SRGAP2: variants seen among roughly 807,000 people sequenced by gnomAD.
The protein encoded by SRGAP2 is SLIT-ROBO Rho GTPase activating protein 2.
A neutral mutation model predicts 57.2 loss-of-function variants in SRGAP2; 15 were observed. The ratio of observed to expected loss-of-function variants is 0.26; its 90% CI spans 0.18 to 0.40. The LOEUF is 0.40. Ranked by LOEUF, SRGAP2 falls within the 10% of genes least tolerant of loss-of-function variation. The probability of loss-of-function intolerance (pLI) is 1.00; values close to 1 mark genes in which losing one functional copy is unlikely to be tolerated. For missense variants in SRGAP2, 520 were observed against 669.6 expected (o/e 0.78, Z 2.47); for synonymous variants, 249 against 248.0 (o/e 1.00, Z -0.04).
chr1:206,458,376 T>TA, intron 21 of SRGAP2: 1 of 677,804 alleles, frequency 1.5e-6, no homozygotes, highest in Non-Finnish European at 2.8e-6. Flanking sequence ...GACAGCAACT[T>TA]ACATCTTGAC....
chr1:206,413,744 C>G (rs1553360371), intron 10 of SRGAP2, among the ~76,000 whole-genome samples: 2 of 152,120 alleles, frequency 1.3e-5, no homozygotes, highest in South Asian at 2.1e-4. Context: ...ATGACATGGT[C>G]TCTGACCATA....
At chr1:206,417,567 A>G (rs1553362498) in intron 11 of SRGAP2, among the ~76,000 whole-genome samples, 1 of 150,634 alleles carries the variant, frequency 6.6e-6, no homozygotes, top group Non-Finnish European at 1.5e-5. Flanking sequence ...ACAGGTGCCC[A>G]CCACCATGCC....
intron 2 of SRGAP2, among the ~76,000 whole-genome samples, chr1:206,245,373 G>A (rs1270063789): frequency 1.3e-5 from 2 of 151,824 alleles, no homozygotes; most frequent in African/African-American, 2.4e-5. Flanking sequence ...TAATTTTTTT[G>A]TGTGTGTTAT....
At chr1:206,346,629 G>A (rs1235439260) in intron 4 of SRGAP2, among the ~76,000 whole-genome samples, 1 of 151,926 alleles carries the variant, frequency 6.6e-6, no homozygotes, top group East Asian at 1.9e-4. Flanking sequence ...GTGGCAAAAG[G>A]ACCCATTTCT....
intron 2 of SRGAP2, among the ~76,000 whole-genome samples, chr1:206,292,398 G>C (rs1364805810): frequency 6.6e-6 from 1 of 152,068 alleles, no homozygotes; most frequent in African/African-American, 2.4e-5. Context: ...TGCACTGTCA[G>C]GCTGGTGCAT....
At chr1:206,240,281 AAAAAG>A (rs1464728732) in intron 2 of SRGAP2, among the ~76,000 whole-genome samples, 3,363 of 150,754 alleles carry the variant, frequency 0.022, 48 homozygotes, top group Middle Eastern at 0.041. Context: ...AAAAAAAAAA[AAAAAG>A]ACATTGACTG....
At chr1:206,420,712 T>G (rs1166805712) in intron 12 of SRGAP2, among the ~76,000 whole-genome samples, 5 of 152,216 alleles carry the variant, frequency 3.3e-5, no homozygotes, top group African/African-American at 1.2e-4. Flanking sequence ...AAGAGGCTTC[T>G]GAGGCTAAAC....
At chr1:206,220,670 GT>G (rs1666927739) in intron 2 of SRGAP2, among the ~76,000 whole-genome samples, 1 of 152,166 alleles carries the variant, frequency 6.6e-6, no homozygotes, top group Non-Finnish European at 1.5e-5. Context: ...ACTTGAAATA[GT>G]TTAAAGAAGA....
intron 2 of SRGAP2, among the ~76,000 whole-genome samples, chr1:206,222,906 TG>T (rs1357678103): frequency 6.7e-6 from 1 of 149,732 alleles, no homozygotes. Context: ...CCCAAGTAAC[TG>T]GGATTACAGG....
intron 4 of SRGAP2, among the ~76,000 whole-genome samples, chr1:206,378,325 AC>A (rs1655396440): frequency 1.3e-5 from 2 of 152,288 alleles, no homozygotes; most frequent in South Asian, 2.1e-4. Context: ...TACAAAAATT[AC>A]CAAAATTAAC....
chr1:206,423,823 G>A (rs1660538572), intron 13 of SRGAP2, among the ~76,000 whole-genome samples: 1 of 151,068 alleles, frequency 6.6e-6, no homozygotes, highest in African/African-American at 2.4e-5. Context: ...GTGCCAGGCT[G>A]GAGTGCAGTG....
At chr1:206,445,675 T>A (rs781947347) in intron 17 of SRGAP2, among the ~76,000 whole-genome samples, 2 of 152,012 alleles carry the variant, frequency 1.3e-5, no homozygotes, top group Non-Finnish European at 2.9e-5. Context: ...AGCCTGAGGG[T>A]CCCCGTCTGC....
At chr1:206,452,811 G>A (rs1281905032) in intron 19 of SRGAP2, among the ~76,000 whole-genome samples, 4 of 150,968 alleles carry the variant, frequency 2.6e-5, no homozygotes, top group Non-Finnish European at 4.4e-5. Flanking sequence ...GCGTAAACCC[G>A]GGAGGCAGAG....
At chr1:206,455,139 C>A in intron 21 of SRGAP2, 115 bp downstream of exon 21, 1 of 760,840 alleles carries the variant, frequency 1.3e-6, no homozygotes, top group Admixed American at 1.7e-5. Flanking sequence ...CCAGCTCCCC[C>A]AGCCTAACAG....
At position 206,461,374 on chromosome 1, in the gene SRGAP2, A is replaced by G. The variant is rs1188116582; in HGVS notation, c.3170A>G (p.Asn1057Ser). Residue 1057 changes from asparagine (N) to serine (S), a missense_variant, in exon 23 of 23, where the codon AAC becomes AGC. Physicochemically the swap from Asn to Ser is conservative, Grantham distance 46 (BLOSUM62 1). This residue lies in a region of SRGAP2 where 478 missense variants were observed against 373.6 expected (regional missense o/e 1.28). Transcript: ENST00000573034. ...ACAAATGCCACTAGCCCTGGTGTCA[A>G]CTCATCAACTTCCCCACAGTCTACT... is the stretch of plus-strand genomic sequence containing the variant. The part of the protein sequence containing the change: ...PKTNATSPGV[N>S]SSTSPQSTDK... The G allele has an allele frequency of 1.3e-6, 1 of 780,496 alleles. No individual in the cohort carries two copies. The highest frequency in any genetic ancestry group is 2.4e-6 in the Non-Finnish European group (1 of 417,828). 48.3% of individuals were successfully genotyped at this position (780,496 alleles called of 1,614,324 possible).
At chr1:206,419,549 T>C in intron 12 of SRGAP2, 149 bp downstream of exon 12, 1 of 664,154 alleles carries the variant, frequency 1.5e-6, no homozygotes, top group Non-Finnish European at 2.8e-6. Flanking sequence ...TTTACTTCCC[T>C]TTGCCTTACT....
chr1:206,342,137 C>G (rs1230698455), intron 3 of SRGAP2, among the ~76,000 whole-genome samples: 12 of 151,908 alleles, frequency 7.9e-5, no homozygotes, highest in Admixed American at 7.9e-4. Flanking sequence ...TAAATGAAAT[C>G]AAAACTTCCT....
At chr1:206,426,515 A>G (rs147197990) in intron 13 of SRGAP2, among the ~76,000 whole-genome samples, 5 of 152,316 alleles carry the variant, frequency 3.3e-5, no homozygotes, top group East Asian at 1.9e-4. Flanking sequence ...GCTGGATCAT[A>G]TGGTAGATCT....
At chr1:206,296,663 C>A (rs1230235812) in intron 2 of SRGAP2, among the ~76,000 whole-genome samples, 1 of 152,182 alleles carries the variant, frequency 6.6e-6, no homozygotes, top group Non-Finnish European at 1.5e-5. Context: ...AACTCCTGAG[C>A]TCTAGTAATC....
Sources: allele counts gnomAD v4.1 joint callset (sites outside exome capture counted in the v4.1 genomes callset), GRCh38; gene constraint gnomAD v4.1.1; regional missense constraint gnomAD v4.1.1; transcripts MANE v1.5; gene names NCBI Gene and HGNC (gene_info 2026-07-23, HGNC 2026-07-21).